THOC1: variants seen among roughly 807,000 people sequenced by gnomAD.
THOC1 encodes THO complex subunit 1.
In THOC1, 29 loss-of-function variants were observed where a neutral mutation model predicts 97.3. That is an observed-to-expected ratio of 0.30 (90% CI 0.22 to 0.41). THOC1 has a LOEUF of 0.41. Among genes scored for constraint, THOC1 ranks in the 10% least tolerant of loss-of-function variants. The pLI is 1.00. For synonymous variants in THOC1, 255 were observed against 257.0 expected (o/e 0.99, Z 0.07); for missense variants, 529 against 761.9 (o/e 0.69, Z 3.60).
At chr18:215,344 C>T in intron 20 of THOC1, 85 bp downstream of exon 20, 6 of 1,002,712 alleles carry the variant, frequency 6.0e-6, no homozygotes, top group South Asian at 2.8e-5. Flanking sequence ...GTTGAGAAGT[C>T]GATCAAATTA....
intron 18 of THOC1, among the ~76,000 whole-genome samples, chr18:217,327 A>C (rs947481463): frequency 6.6e-6 from 1 of 152,266 alleles, no homozygotes; most frequent in Non-Finnish European, 1.5e-5. Flanking sequence ...TTGCCTAAAC[A>C]GTTAAGAGCC....
chr18:219,162 C>T, intron 17 of THOC1, among the ~76,000 whole-genome samples, 193 bp from the exon 18 acceptor site: 1 of 31,360 alleles, frequency 3.2e-5, no homozygotes, highest in Non-Finnish European at 6.0e-5. Context: ...CATGTGTTCC[C>T]TGAGCGGTAC....
At chr18:262,710 G>C (rs1912641589) in intron 4 of THOC1, among the ~76,000 whole-genome samples, 1 of 152,164 alleles carries the variant, frequency 6.6e-6, no homozygotes, top group South Asian at 2.1e-4. Context: ...ATTTAACAAA[G>C]TGAATTTATG....
chr18:231,849 T>C (rs1911496309), intron 11 of THOC1, among the ~76,000 whole-genome samples: 4 of 152,244 alleles, frequency 2.6e-5, no homozygotes, highest in East Asian at 1.9e-4. Flanking sequence ...TTTCAAACTC[T>C]ACACATTATG....
intron 19 of THOC1, chr18:215,726 C>T (rs1910858307): frequency 6.4e-6 from 3 of 471,758 alleles, no homozygotes; most frequent in Non-Finnish European, 7.6e-6. Context: ...GAAAGACTCC[C>T]CACCCCCAAT....
chr18:237,943 C>T (rs1427572850), intron 11 of THOC1, among the ~76,000 whole-genome samples: 3 of 152,074 alleles, frequency 2.0e-5, no homozygotes, highest in South Asian at 2.1e-4. Flanking sequence ...CTTGGCTCAC[C>T]GCAACCTCTG....
chr18:243,495 G>A (rs544401325), intron 11 of THOC1, among the ~76,000 whole-genome samples: 1 of 151,736 alleles, frequency 6.6e-6, no homozygotes, highest in East Asian at 1.9e-4. Context: ...CCAAGACCAC[G>A]CCATTGCACT....
In THOC1 at chr18:218,945, T is replaced by C; in HGVS notation, c.1395A>G (p.Glu465=). The C allele has an allele frequency of 1.2e-6, 2 of 1,605,678 alleles. No individual in the cohort carries two copies. Among genetic ancestry groups the C allele is most frequent in the South Asian group, 1.1e-5 (1 of 89,246 alleles). The stretch of plus-strand genomic sequence containing the variant: ...CCTGTTCAATGGCTTCTTCAAAGAA[T>C]TCCTCCAAAGTGGGCATGTGTTCCC... ...ETREHMPTLE[E]FFEEAIEQAD... The change falls in exon 18 of 21, where the codon GAA becomes GAG. Residue 465 remains glutamate, a synonymous_variant. Transcript: ENST00000261600.
intron 18 of THOC1, among the ~76,000 whole-genome samples, chr18:216,979 A>G (rs151089426): frequency 2.0e-5 from 3 of 152,368 alleles, no homozygotes; most frequent in Non-Finnish European, 2.9e-5. Flanking sequence ...GGAATCATCC[A>G]TCTAGCTATT....
chr18:223,615 A>G (rs1194738918), intron 16 of THOC1, 110 bp from the exon 17 acceptor site: 7 of 822,242 alleles, frequency 8.5e-6, no homozygotes, highest in Non-Finnish European at 1.3e-5. Context: ...GGGGATGTTG[A>G]CAGTATGAGT....
chr18:257,499 A>G (rs1186807155), intron 7 of THOC1, among the ~76,000 whole-genome samples: 3 of 152,236 alleles, frequency 2.0e-5, no homozygotes, highest in African/African-American at 4.8e-5. Flanking sequence ...TAAAATATAT[A>G]CTGACAGATA....
At chr18:226,285 T>C (rs1313164659) in intron 12 of THOC1, 1 of 152,764 alleles carries the variant, frequency 6.5e-6, no homozygotes, top group African/African-American at 2.4e-5. Flanking sequence ...AACAGTGGGC[T>C]CCACCTTCAG....
At chr18:267,873 A>T (rs1423148651) in intron 1 of THOC1, 93 bp downstream of exon 1, 3 of 1,360,476 alleles carry the variant, frequency 2.2e-6, no homozygotes, top group Non-Finnish European at 3.0e-6. Flanking sequence ...CCTCTGTCTC[A>T]CTTTACCCCA....
intron 4 of THOC1, among the ~76,000 whole-genome samples, chr18:262,345 A>G (rs1185576172): frequency 1.3e-5 from 2 of 152,262 alleles, no homozygotes; most frequent in African/African-American, 4.8e-5. Flanking sequence ...AGCTCAATAA[A>G]TATCGGCCAA....
chr18:228,536 A>AC lies in THOC1; in HGVS notation c.919-1636dup, dbSNP rs11399794. ...TCTAAAATGTAAGGGGGAAAAAAAA[A>AC]CCAAAATCACCAAAAACAACCAACA... On this transcript the variant is annotated intron_variant, in intron 11 of 20. Coordinates refer to ENST00000261600, the MANE Select transcript of THOC1 (RefSeq NM_005131.3). Among the ~76,000 whole-genome samples, 551 of 151,682 alleles carry AC rather than the reference A, an allele frequency of 3.6e-3. 1 individual carries two copies. Among genetic ancestry groups the AC allele is most frequent in the African/African-American group, 0.012 (505 of 41,334 alleles).
At chr18:226,742 C>T in intron 12 of THOC1, 59 bp downstream of exon 12, 1 of 1,308,030 alleles carries the variant, frequency 7.6e-7, no homozygotes, top group Non-Finnish European at 1.1e-6. Context: ...AAATCGTAAG[C>T]AAGTCCTTTT....
chr18:267,544 G>A (rs1378853767), intron 1 of THOC1, among the ~76,000 whole-genome samples: 1 of 152,236 alleles, frequency 6.6e-6, no homozygotes, highest in Non-Finnish European at 1.5e-5. Context: ...GCGGGAACAA[G>A]CACTTGGTAG....
chr18:217,522 A>C (rs1387101481), intron 18 of THOC1, among the ~76,000 whole-genome samples: 1 of 152,252 alleles, frequency 6.6e-6, no homozygotes, highest in African/African-American at 2.4e-5. Context: ...ATATTCTTTC[A>C]ATCGACAAAC....
intron 4 of THOC1, chr18:260,551 G>A (rs1012103964): frequency 7.2e-6 from 2 of 278,012 alleles, no homozygotes; most frequent in Non-Finnish European, 1.3e-5. Context: ...CTATATGTCA[G>A]GCACACTAAG....
Sources: gnomAD v4.1 joint callset for allele counts (sites outside exome capture counted in the v4.1 genomes callset) on GRCh38, gnomAD v4.1.1 for gene constraint, MANE v1.5 for transcripts, NCBI Gene and HGNC (gene_info 2026-07-23, HGNC 2026-07-21) for gene names.